EPC1: variants seen among roughly 807,000 people sequenced by gnomAD.
The protein encoded by EPC1 is enhancer of polycomb 1.
Under a neutral mutation model 98.4 loss-of-function variants are expected in EPC1, and 12 were observed. The ratio of observed to expected loss-of-function variants is 0.12; its 90% CI spans 0.08 to 0.20. The LOEUF is 0.20. Ranked by LOEUF, EPC1 falls within the 10% of genes least tolerant of loss-of-function variation. The probability of loss-of-function intolerance (pLI) is 1.00; values close to 1 mark genes in which losing one functional copy is unlikely to be tolerated. For synonymous variants in EPC1, 357 were observed against 363.9 expected (o/e 0.98, Z 0.21); for missense variants, 729 against 990.5 (o/e 0.74, Z 3.54).
chr10:32,312,565 C>A (rs1160849032), intron 1 of EPC1, among the ~76,000 whole-genome samples: 2 of 152,008 alleles, frequency 1.3e-5, no homozygotes, highest in Non-Finnish European at 2.9e-5. Context: ...GGTTTATTTA[C>A]TACCGTTAAC....
intron 13 of EPC1, among the ~76,000 whole-genome samples, chr10:32,269,967 G>C (rs200685156): frequency 1.3e-5 from 2 of 152,270 alleles, no homozygotes; most frequent in Non-Finnish European, 2.9e-5. Flanking sequence ...GGCTTCTCCT[G>C]CCATTCCAAT....
intron 1 of EPC1, among the ~76,000 whole-genome samples, chr10:32,358,434 A>C (rs1392319897): frequency 2.0e-5 from 3 of 152,118 alleles, no homozygotes; most frequent in Non-Finnish European, 2.9e-5. Context: ...ACTTGCACCC[A>C]GGAGTTTGAG....
intron 1 of EPC1, 131 bp from the exon 2 acceptor site, chr10:32,306,062 T>C (rs1358244200): frequency 2.2e-5 from 17 of 778,696 alleles, no homozygotes; most frequent in African/African-American, 3.6e-5. Flanking sequence ...CTTAAAAGCA[T>C]GTTGTTAACA....
intron 1 of EPC1, among the ~76,000 whole-genome samples, chr10:32,373,012 G>A (rs927765082): frequency 6.6e-6 from 1 of 152,172 alleles, no homozygotes; most frequent in East Asian, 1.9e-4. Flanking sequence ...TGACAAGAGC[G>A]AAACTCGGTT....
At chr10:32,300,728 C>T (rs763153954) in intron 2 of EPC1, among the ~76,000 whole-genome samples, 1 of 152,166 alleles carries the variant, frequency 6.6e-6, no homozygotes, top group Non-Finnish European at 1.5e-5. Context: ...GCCACCGCGT[C>T]CCGCCGATTT....
chr10:32,293,404 AG>A (rs148218035), intron 3 of EPC1, among the ~76,000 whole-genome samples, 187 bp downstream of exon 3: 1,785 of 152,320 alleles, frequency 0.012, 37 homozygotes, highest in African/African-American at 0.041. Flanking sequence ...ACCAAGGCAC[AG>A]AAAAATTTAA....
chr10:32,363,741 C>T (rs1839511268), intron 1 of EPC1, among the ~76,000 whole-genome samples: 1 of 152,002 alleles, frequency 6.6e-6, no homozygotes, highest in Non-Finnish European at 1.5e-5. Flanking sequence ...ATATAGTTTC[C>T]TTTCTTCTGT....
intron 2 of EPC1, among the ~76,000 whole-genome samples, chr10:32,299,439 G>A (rs546650197): frequency 4.1e-4 from 62 of 152,180 alleles, no homozygotes; most frequent in African/African-American, 1.4e-3. Context: ...GCCCACCTTG[G>A]CCTCCCAAAG....
Position 32,268,904 on chromosome 10 carries a change from G to T in EPC1, c.*159C>A. On this transcript the variant is annotated 3_prime_UTR_variant, in exon 14 of 14. Transcript: ENST00000319778. ...TTGATTTTTTTCCTATTAACAGTAA[G>T]AAAAGAAAAATTGAAGCATGAGAGA... 1 of 605,602 alleles carries T rather than the reference G, an allele frequency of 1.7e-6. No homozygotes were observed. The highest frequency in any genetic ancestry group is 2.9e-6 in the Non-Finnish European group (1 of 344,420). The allele number at this position is 605,602 out of a possible 1,614,324, so 37.5% of individuals were successfully genotyped here. A position where few individuals can be genotyped will look rare whatever the true frequency, so the allele number is the denominator to read the frequency against.
intron 1 of EPC1, among the ~76,000 whole-genome samples, chr10:32,323,661 T>C (rs1459729571): frequency 1.3e-5 from 2 of 152,206 alleles, no homozygotes; most frequent in East Asian, 3.9e-4. Flanking sequence ...CCAAATTTCC[T>C]TATTAGTAAA....
chr10:32,291,028 C>T (rs1311417551), intron 6 of EPC1, 135 bp downstream of exon 6: 2 of 728,632 alleles, frequency 2.7e-6, no homozygotes, highest in African/African-American at 1.8e-5. Context: ...CTACCCACCT[C>T]CGTGTCCCGA....
intron 9 of EPC1, 47 bp downstream of exon 9, chr10:32,286,647 C>G (rs754622758): frequency 2.5e-6 from 4 of 1,604,424 alleles, no homozygotes; most frequent in Non-Finnish European, 3.4e-6. Context: ...ATTCAATCAC[C>G]CTAATGCCTA....
intron 6 of EPC1, among the ~76,000 whole-genome samples, chr10:32,289,850 TC>T (rs1836898734): frequency 6.6e-6 from 1 of 152,012 alleles, no homozygotes; most frequent in Admixed American, 6.6e-5. Context: ...GGTCTCGATC[TC>T]CTGACCTTGT....
upstream of EPC1, among the ~76,000 whole-genome samples, chr10:32,348,856 C>A (rs1452535609): frequency 1.3e-5 from 2 of 152,130 alleles, no homozygotes; most frequent in African/African-American, 4.8e-5. Flanking sequence ...AGAGTGGCGC[C>A]CAACCCAGGA....
At chr10:32,275,350 A>G (rs1336592209) in intron 10 of EPC1, among the ~76,000 whole-genome samples, 2 of 152,224 alleles carry the variant, frequency 1.3e-5, no homozygotes, top group South Asian at 2.1e-4. Flanking sequence ...AAATGCAATC[A>G]AGGCCAGGCG....
intron 1 of EPC1, among the ~76,000 whole-genome samples, chr10:32,355,943 T>TA (rs1839263372): frequency 6.6e-6 from 1 of 152,188 alleles, no homozygotes; most frequent in Non-Finnish European, 1.5e-5. Flanking sequence ...ATAGACTACT[T>TA]AAGCATTAGT....
intron 6 of EPC1, 55 bp from the exon 7 acceptor site, chr10:32,287,329 C>A: frequency 6.3e-7 from 1 of 1,587,756 alleles, no homozygotes; most frequent in Non-Finnish European, 8.6e-7. Flanking sequence ...AACAAATTTG[C>A]AGTTTTGGGG....
intron 6 of EPC1, among the ~76,000 whole-genome samples, chr10:32,290,505 A>AAAAAAAAAAAAAAAAAG (rs1554819136): frequency 1.3e-5 from 1 of 77,476 alleles, no homozygotes; most frequent in African/African-American, 5.5e-5. Context: ...AAAAAAAAAA[A>AAAAAAAAAAAAAAAAAG]AAAGAAAGAA....
chr10:32,324,112 A>G (rs1393016160), intron 1 of EPC1, among the ~76,000 whole-genome samples: 1 of 151,274 alleles, frequency 6.6e-6, no homozygotes, highest in African/African-American at 2.4e-5. Flanking sequence ...ATTTTTTTGT[A>G]TTTTTTAGTA....
Sources: allele counts gnomAD v4.1 joint callset (sites outside exome capture counted in the v4.1 genomes callset), GRCh38; gene constraint gnomAD v4.1.1; transcripts MANE v1.5; gene names NCBI Gene and HGNC (gene_info 2026-07-23, HGNC 2026-07-21).